The following PTPRT variants were observed in gnomAD, a reference collection of about 807,000 sequenced individuals.
PTPRT encodes protein tyrosine phosphatase receptor type T, also known as receptor-type tyrosine-protein phosphatase T.
PTPRT carries 56 observed loss-of-function variants against 176.8 expected under a neutral mutation model. The observed-to-expected ratio is 0.32, with a 90% CI of 0.26 to 0.40. PTPRT has a LOEUF of 0.40. Among genes scored for constraint, PTPRT ranks in the 10% least tolerant of loss-of-function variants. PTPRT has a pLI of 1.00. For missense variants in PTPRT, 1,540 were observed against 1,908.2 expected, an observed-to-expected ratio of 0.81 and a Z score of 3.60; for synonymous variants, 783 against 739.0, an observed-to-expected ratio of 1.06 and a Z score of -0.96.
intron 7 of PTPRT, among the ~76,000 whole-genome samples, chr20:42,492,684 A>G (rs1252306640): frequency 6.6e-6 from 1 of 152,146 alleles, no homozygotes; most frequent in Non-Finnish European, 1.5e-5. Context: ...TGTCAAATTC[A>G]TGAGATTTTT....
rs62204903 is a variant in PTPRT, at chr20:42,473,917, A to G, written c.1154-1355T>C. ...TCAGTACTTCTCCCCATACCTACAG[A>G]ACTTTGCCCAATTATGTATCCTCTT... On this transcript the variant is annotated intron_variant, in intron 7 of 30. Coordinates refer to ENST00000373187, the MANE Select transcript of PTPRT (RefSeq NM_007050.6). 7.9e-3 allele frequency among the ~76,000 whole-genome samples: 1,210 copies of G among 152,224 alleles called. 11 individuals are homozygous for G. The highest frequency in any genetic ancestry group is 0.014 in the Middle Eastern group (4 of 294).
At chr20:43,164,548 T>C (rs2014801618) in intron 1 of PTPRT, among the ~76,000 whole-genome samples, 1 of 152,040 alleles carries the variant, frequency 6.6e-6, no homozygotes, top group Non-Finnish European at 1.5e-5. Context: ...AGAGCCAAGG[T>C]CTTGAGGGAG....
chr20:43,147,488 T>C (rs2014205542), intron 1 of PTPRT, among the ~76,000 whole-genome samples: 1 of 152,166 alleles, frequency 6.6e-6, no homozygotes, highest in Non-Finnish European at 1.5e-5. Flanking sequence ...ATAGCAGAGA[T>C]GGAAGCCCCT....
chr20:42,681,488 T>C (rs998972660), intron 6 of PTPRT, among the ~76,000 whole-genome samples: 1 of 152,174 alleles, frequency 6.6e-6, no homozygotes, highest in Non-Finnish European at 1.5e-5. Flanking sequence ...GGACCACTCA[T>C]GTTGAGTCTA....
intron 17 of PTPRT, among the ~76,000 whole-genome samples, chr20:42,151,757 T>G (rs1487411644): frequency 6.6e-6 from 1 of 152,212 alleles, no homozygotes; most frequent in Non-Finnish European, 1.5e-5. Flanking sequence ...ATCCAGTTTC[T>G]TTTTTCTTAC....
At chr20:43,135,947 G>A (rs1043166741) in intron 1 of PTPRT, among the ~76,000 whole-genome samples, 2 of 152,156 alleles carry the variant, frequency 1.3e-5, no homozygotes, top group African/African-American at 2.4e-5. Flanking sequence ...TTCCTGCCAG[G>A]CAAATGTTTA....
At chr20:42,049,373 G>A in the PTPRT span, among the ~76,000 whole-genome samples, 2 of 152,220 alleles carry the variant, frequency 1.3e-5, no homozygotes, top group Non-Finnish European at 2.9e-5. Context: ...GGACTGCCAA[G>A]TCAAAAGGAA....
chr20:43,056,918 T>G (rs145978483), intron 1 of PTPRT, among the ~76,000 whole-genome samples: 1 of 152,122 alleles, frequency 6.6e-6, no homozygotes, highest in African/African-American at 2.4e-5. Flanking sequence ...AGCGTCCTTA[T>G]TCCTGCTTCC....
At position 42,771,458 on chromosome 20, in the gene PTPRT, G is replaced by A; in HGVS notation, c.661C>T (p.Gln221Ter). Residue 221 changes from glutamine to a stop codon, truncating the protein, a stop_gained, in exon 5 of 31, where the codon CAG (glutamine) becomes TAG (stop). Coordinates refer to ENST00000373187, the MANE Select transcript of PTPRT (RefSeq NM_007050.6). LOFTEE classifies it high-confidence loss of function. ...FQCIAGGKWS[Q>*]HDKLWLQQWN... is the part of the protein sequence containing the mutation. ...ACCTGGAGCCAAAGCTTGTCATGCT[G>A]AGACCACTTCCCACCAGCAATGCAC... is the stretch of plus-strand genomic sequence containing the variant. 1.9e-6 allele frequency: 3 copies of A among 1,614,068 alleles called. No individual in the cohort carries two copies. The South Asian group carries it at 3.3e-5, about 18-fold the overall frequency.
chr20:42,626,106 T>C (rs1191676441), intron 7 of PTPRT, among the ~76,000 whole-genome samples: 2 of 152,094 alleles, frequency 1.3e-5, no homozygotes, highest in Admixed American at 6.5e-5. Flanking sequence ...TCAGTGACCG[T>C]ATTTTTCTAA....
At chr20:42,062,001 C>T in the PTPRT span, among the ~76,000 whole-genome samples, 1 of 152,166 alleles carries the variant, frequency 6.6e-6, no homozygotes, top group Non-Finnish European at 1.5e-5. Context: ...AGGGGGCTGG[C>T]TAACAGAGGT....
Position 42,087,162 on chromosome 20 carries a change from G to GA in PTPRT, c.3847-1310dup, listed in dbSNP as rs539908521. ...TGCAGTGCACAGATTAGCTCCCCCC[G>GA]AGAGTTATGTGGCCCCAAATATCCA... is the stretch of plus-strand genomic sequence containing the variant. On this transcript the variant is annotated intron_variant, in intron 27 of 30. Transcript: ENST00000373187. Among the ~76,000 whole-genome samples the GA allele has an allele frequency of 7.2e-5, 11 of 151,828 alleles. No homozygotes were observed. The East Asian group carries it at 2.0e-3, about 27-fold the overall frequency.
chr20:42,583,980 G>C (rs1326843026), intron 7 of PTPRT, among the ~76,000 whole-genome samples: 1 of 152,174 alleles, frequency 6.6e-6, no homozygotes, highest in Non-Finnish European at 1.5e-5. Context: ...ATGGTGGAGA[G>C]TGCATATGCA....
At chr20:42,853,556 A>T (rs2078511749) in intron 2 of PTPRT, among the ~76,000 whole-genome samples, 1 of 152,208 alleles carries the variant, frequency 6.6e-6, no homozygotes, top group African/African-American at 2.4e-5. Context: ...GAAGAGTCCT[A>T]GCTCAAGAAA....
chr20:42,356,523 C>T (rs1381713747), intron 9 of PTPRT, among the ~76,000 whole-genome samples: 3 of 151,904 alleles, frequency 2.0e-5, no homozygotes, highest in Non-Finnish European at 4.4e-5. Context: ...AGAGAAACCC[C>T]GTCTCTATTA....
chr20:42,316,676 C>A (rs1326949043), intron 11 of PTPRT, among the ~76,000 whole-genome samples: 1 of 150,740 alleles, frequency 6.6e-6, no homozygotes, highest in East Asian at 1.9e-4. Flanking sequence ...AAGGTCTTCT[C>A]ATGGTGTTCC....
chr20:42,366,996 T>G lies in PTPRT; in HGVS notation c.1561-14711A>C, dbSNP rs190801961. On this transcript the variant is annotated intron_variant, in intron 9 of 30. Transcript: ENST00000373187. ...TTCTTGGATTGTGTTTCTTTATAGA[T>G]GTAATCCTTCTCCCGCATTTTATTT... Among the ~76,000 whole-genome samples the G allele has an allele frequency of 4.9e-3, 748 of 152,368 alleles. 6 individuals are homozygous for G. The highest frequency in any genetic ancestry group is 7.1e-3 in the Non-Finnish European group (485 of 68,040).
chr20:42,182,097 G>A (rs926488378), intron 16 of PTPRT, among the ~76,000 whole-genome samples: 3 of 152,144 alleles, frequency 2.0e-5, no homozygotes, highest in African/African-American at 2.4e-5. Context: ...GAATAGGAAG[G>A]AGGTCAATAT....
chr20:42,723,177 C>T (rs1484154491), intron 6 of PTPRT, among the ~76,000 whole-genome samples: 1 of 152,180 alleles, frequency 6.6e-6, no homozygotes, highest in Non-Finnish European at 1.5e-5. Flanking sequence ...CATATAAATG[C>T]TCAATCAGTG....
Sources: gnomAD v4.1 joint callset for allele counts (sites outside exome capture counted in the v4.1 genomes callset) on GRCh38, gnomAD v4.1.1 for gene constraint, MANE v1.5 for transcripts, NCBI Gene and HGNC (gene_info 2026-07-23, HGNC 2026-07-21) for gene names.